ZDHHC2: variants seen among roughly 807,000 people sequenced by gnomAD.
The protein encoded by ZDHHC2 is zDHHC palmitoyltransferase 2.
Under a neutral mutation model 55.6 loss-of-function variants are expected in ZDHHC2, and 51 were observed. The observed-to-expected ratio is 0.92, with a 90% confidence interval of 0.73 to 1.16. ZDHHC2 has a LOEUF of 1.16. ZDHHC2 is among the 50% of genes most tolerant of loss of function. The probability of loss-of-function intolerance (pLI) is 0.00; values close to 1 mark genes in which losing one functional copy is unlikely to be tolerated. For synonymous variants in ZDHHC2, 199 were observed against 152.9 expected (o/e 1.30, Z -2.22); for missense variants, 491 against 442.4 (o/e 1.11, Z -0.99).
At chr8:17,199,904 G>A (rs186787961) in intron 6 of ZDHHC2, among the ~76,000 whole-genome samples, 22 of 151,660 alleles carry the variant, frequency 1.5e-4, no homozygotes, top group South Asian at 6.3e-4. Context: ...GACTACAGGC[G>A]CCTGTAACCT....
intron 7 of ZDHHC2, 147 bp downstream of exon 7, chr8:17,205,922 T>C (rs1230756507): frequency 1.3e-6 from 1 of 785,630 alleles, no homozygotes; most frequent in Admixed American, 3.7e-5. Context: ...ATTCTTTATT[T>C]GTTAATTCAG....
At chr8:17,161,188 C>G (rs1804326882) in intron 1 of ZDHHC2, among the ~76,000 whole-genome samples, 1 of 152,176 alleles carries the variant, frequency 6.6e-6, no homozygotes, top group African/African-American at 2.4e-5. Context: ...ACTGCAGGCT[C>G]AAGGATAGAG....
intron 1 of ZDHHC2, among the ~76,000 whole-genome samples, chr8:17,163,476 G>T (rs1157198493): frequency 6.6e-6 from 1 of 152,190 alleles, no homozygotes; most frequent in African/African-American, 2.4e-5. Context: ...GGTTCTCCAT[G>T]AAATGGTCCT....
At chr8:17,179,620 A>T (rs186115919) in intron 1 of ZDHHC2, among the ~76,000 whole-genome samples, 8 of 152,092 alleles carry the variant, frequency 5.3e-5, no homozygotes, top group African/African-American at 1.9e-4. Context: ...TGTGTTGTCC[A>T]GGCTGATCTC....
intron 6 of ZDHHC2, among the ~76,000 whole-genome samples, chr8:17,202,861 T>C (rs1442463388): frequency 3.3e-5 from 5 of 152,108 alleles, no homozygotes; most frequent in Non-Finnish European, 7.4e-5. Context: ...AGCTCTAGCA[T>C]GGCAAATTTT....
chr8:17,215,006 T>A (rs1807577147), intron 10 of ZDHHC2, among the ~76,000 whole-genome samples: 1 of 152,172 alleles, frequency 6.6e-6, no homozygotes, highest in Admixed American at 6.6e-5. Context: ...TGTTAGAGAT[T>A]ATCATCTTAT....
chr8:17,206,074 C>T (rs1266797446), intron 7 of ZDHHC2, among the ~76,000 whole-genome samples: 1 of 152,196 alleles, frequency 6.6e-6, no homozygotes, highest in Non-Finnish European at 1.5e-5. Flanking sequence ...CTTCTTGCTT[C>T]AGCTCTCATA....
At chr8:17,198,475 CT>C (rs1806439778) in intron 6 of ZDHHC2, 62 bp downstream of exon 6, 1 of 1,460,648 alleles carries the variant, frequency 6.8e-7, no homozygotes, top group Non-Finnish European at 9.3e-7. Context: ...AATTAAATCA[CT>C]TATCCATGTA....
At position 17,209,996 on chromosome 8, in the gene ZDHHC2, TAAA is replaced by T; in HGVS notation, c.798_800del (p.Lys266del). ...AGAATGGATTCAGCTTGGGTTTCAG[TAAA>T]AACATGCGACAAGTTTTTGGTGATG... On this transcript the variant is annotated inframe_deletion, in exon 9 of 13. Transcript: ENST00000262096. 6.2e-7 allele frequency: 1 copy of T among 1,611,350 alleles called. No homozygotes were observed. The highest frequency in any genetic ancestry group is 8.5e-7 in the Non-Finnish European group (1 of 1,178,570).
chr8:17,161,585 C>A (rs181004605), intron 1 of ZDHHC2, among the ~76,000 whole-genome samples: 33 of 152,294 alleles, frequency 2.2e-4, no homozygotes, highest in African/African-American at 7.7e-4. Context: ...TTGGCCAGCA[C>A]GGTGGCTCAC....
At position 17,199,546 on chromosome 8, in the gene ZDHHC2, T is replaced by TCTTTGTCTTCTGTCTTCTGTCTTC. The variant is rs1806566009; in HGVS notation, c.476+1133_476+1134insCTTTGTCTTCTGTCTTCTGTCTTC. Among the ~76,000 whole-genome samples the TCTTTGTCTTCTGTCTTCTGTCTTC allele has an allele frequency of 3.4e-4, 14 of 40,664 alleles. 1 individual carries two copies. Among genetic ancestry groups the TCTTTGTCTTCTGTCTTCTGTCTTC allele is most frequent in the African/African-American group, 1.0e-3 (14 of 13,610 alleles). The allele number at this position is 40,664 out of a possible 152,430, so 26.7% of individuals were successfully genotyped here. On this transcript the variant is annotated intron_variant, in intron 6 of 12. Coordinates refer to ENST00000262096, the MANE Select transcript of ZDHHC2 (RefSeq NM_016353.5). ...GTCTTCGTCTTCTGTCTTCGTCTTCTGTCTTCGTCTTCGTCTTCTTCGTCT... is the reference window on the plus strand; with the variant it reads ...GTCTTCGTCTTCTGTCTTCGTCTTCTCTTTGTCTTCTGTCTTCTGTCTTCGTCTTCGTCTTCGTCTTCTTCGTCT...
chr8:17,197,543 G>T (rs759725212), intron 4 of ZDHHC2, 39 bp from the exon 5 acceptor site: 14 of 1,551,768 alleles, frequency 9.0e-6, no homozygotes, highest in African/African-American at 2.7e-5. Context: ...TTTCAATTCA[G>T]TGTTAACTCT....
chr8:17,186,419 A>G lies in ZDHHC2; in HGVS notation c.246A>G (p.Ser82=), dbSNP rs1325567571. ...KTIFTLPMNP[S]KEFHLSYAEK... The stretch of plus-strand genomic sequence containing the variant: ...TCTTTACATTACCAATGAATCCTTC[A>G]AAAGAAGTAAGTTAAAATATTAACG... The change falls in exon 3 of 13, where the codon TCA becomes TCG. Residue 82 remains serine, a synonymous_variant. Coordinates refer to ENST00000262096, the MANE Select transcript of ZDHHC2 (RefSeq NM_016353.5). The G allele has an allele frequency of 7.8e-6, 12 of 1,533,974 alleles. No individual in the cohort carries two copies. Among genetic ancestry groups the G allele is most frequent in the Non-Finnish European group, 1.1e-5 (12 of 1,140,020 alleles).
intron 1 of ZDHHC2, among the ~76,000 whole-genome samples, chr8:17,165,176 A>G (rs1029623840): frequency 3.9e-5 from 6 of 152,248 alleles, no homozygotes; most frequent in East Asian, 1.9e-4. Context: ...GATTTCAATT[A>G]TGAGTCTCAC....
chr8:17,159,146 C>G (rs1287011321), intron 1 of ZDHHC2, among the ~76,000 whole-genome samples: 1 of 152,170 alleles, frequency 6.6e-6, no homozygotes, highest in African/African-American at 2.4e-5. Flanking sequence ...GACTGACACA[C>G]AAAACCAGAC....
At chr8:17,169,100 A>G (rs1804736501) in intron 1 of ZDHHC2, among the ~76,000 whole-genome samples, 2 of 152,166 alleles carry the variant, frequency 1.3e-5, no homozygotes. Flanking sequence ...TGAGGACACC[A>G]TACGGTTTTT....
At chr8:17,201,697 G>A (rs951733040) in intron 6 of ZDHHC2, among the ~76,000 whole-genome samples, 16 of 147,670 alleles carry the variant, frequency 1.1e-4, no homozygotes, top group Non-Finnish European at 2.1e-4. Flanking sequence ...TGGGTTTCAC[G>A]GTGTTAGCCA....
chr8:17,156,775 C>A lies in ZDHHC2; in HGVS notation c.52C>A (p.Leu18Met). ...SSARRRCRRV[L>M]YWIPVVFITL... ...CGCCAGGCGGCGGTGCCGGCGGGTG[C>A]TGTACTGGATCCCGGTGGTGTTCAT... is the stretch of plus-strand genomic sequence containing the variant. The change falls in exon 1 of 13, where the codon CTG becomes ATG. Residue 18 changes from leucine to methionine, a missense_variant. Transcript: ENST00000262096. The A allele has an allele frequency of 6.6e-7, 1 of 1,515,196 alleles. No homozygotes were observed. Among genetic ancestry groups the A allele is most frequent in the South Asian group, 1.2e-5 (1 of 81,224 alleles). The allele number at this position is 1,515,196 out of a possible 1,614,324, so 93.9% of individuals were successfully genotyped here. A position where few individuals can be genotyped will look rare whatever the true frequency, so the allele number is the denominator to read the frequency against.
intron 1 of ZDHHC2, among the ~76,000 whole-genome samples, chr8:17,169,229 G>T (rs1804741365): frequency 7.6e-6 from 1 of 131,300 alleles, no homozygotes; most frequent in Non-Finnish European, 1.6e-5. Context: ...TGTCACTGCA[G>T]CAATTTTTTT....
Sources: allele counts gnomAD v4.1 joint callset (sites outside exome capture counted in the v4.1 genomes callset), GRCh38; gene constraint gnomAD v4.1.1; transcripts MANE v1.5; gene names NCBI Gene and HGNC (gene_info 2026-07-23, HGNC 2026-07-21).